The following PTCHD4 variants were observed in gnomAD, a reference collection of about 807,000 sequenced individuals.
PTCHD4 encodes patched domain-containing protein 4.
PTCHD4 carries 33 observed loss-of-function variants against 58.1 expected under a neutral mutation model. That is an observed-to-expected ratio of 0.57 (90% CI 0.43 to 0.76). The LOEUF (loss-of-function observed/expected upper bound fraction) is 0.76. Ranked by LOEUF, PTCHD4 falls within the 30% of genes least tolerant of loss-of-function variation. The pLI is 0.00. For missense variants in PTCHD4, 1,058 were observed against 1,027.1 expected, an observed-to-expected ratio of 1.03 and a Z score of -0.41; for synonymous variants, 478 against 409.6, an observed-to-expected ratio of 1.17 and a Z score of -2.02.
chr6:48,053,578 G>C (rs1265734519), intron 3 of PTCHD4, among the ~76,000 whole-genome samples: 1 of 151,940 alleles, frequency 6.6e-6, no homozygotes, highest in Non-Finnish European at 1.5e-5. Context: ...TATTACTTTT[G>C]ACCCTATCAT....
At chr6:48,049,589 A>AT (rs1284957492) in intron 3 of PTCHD4, among the ~76,000 whole-genome samples, 2 of 152,036 alleles carry the variant, frequency 1.3e-5, no homozygotes, top group East Asian at 3.9e-4. Context: ...AATGAGCTCA[A>AT]ATCTCACTTC....
At chr6:48,084,747 T>G (rs1464511391) in intron 1 of PTCHD4, among the ~76,000 whole-genome samples, 1 of 150,612 alleles carries the variant, frequency 6.6e-6, no homozygotes, top group African/African-American at 2.4e-5. Context: ...TTTTTTTTTT[T>G]TTTTGAGACA....
intron 4 of PTCHD4, among the ~76,000 whole-genome samples, chr6:48,004,921 GA>G (rs544524658): frequency 0.062 from 9,232 of 149,188 alleles, 392 homozygotes; most frequent in African/African-American, 0.11. Context: ...CATCTCAAAA[GA>G]AAAAAAAAAT....
chr6:47,872,492 A>T lies in PTCHD4; in HGVS notation c.*5811T>A, dbSNP rs1440701205. On this transcript the variant is annotated 3_prime_UTR_variant, in exon 5 of 5. Transcript: ENST00000339488. ...ATGGCTTCTAAAAACCTCAGCTCAGATAAGTGCAATGAAATCATACACAGC... is the reference window on the plus strand; with the variant it reads ...ATGGCTTCTAAAAACCTCAGCTCAGTTAAGTGCAATGAAATCATACACAGC... Among the ~76,000 whole-genome samples, 4 of 151,638 alleles carry T rather than the reference A, an allele frequency of 2.6e-5. No homozygotes were observed. Among genetic ancestry groups the T allele is most frequent in the African/African-American group, 9.7e-5 (4 of 41,364 alleles).
At chr6:47,929,176 G>A (rs1765727163) in intron 4 of PTCHD4, among the ~76,000 whole-genome samples, 1 of 151,466 alleles carries the variant, frequency 6.6e-6, no homozygotes, top group South Asian at 2.1e-4. Flanking sequence ...AGTATAAAAT[G>A]AAAAAAAATT....
intron 3 of PTCHD4, among the ~76,000 whole-genome samples, chr6:48,046,470 T>C (rs1417433773): frequency 1.3e-5 from 2 of 151,872 alleles, no homozygotes; most frequent in East Asian, 3.9e-4. Flanking sequence ...AATGAATATA[T>C]ATTCAATTAA....
chr6:48,023,090 G>C (rs748067292), intron 3 of PTCHD4, among the ~76,000 whole-genome samples: 5 of 152,072 alleles, frequency 3.3e-5, no homozygotes, highest in Non-Finnish European at 7.4e-5. Flanking sequence ...AAATATGTTT[G>C]GACTAGCTTT....
At chr6:48,040,975 A>G (rs1763826348) in intron 3 of PTCHD4, among the ~76,000 whole-genome samples, 2 of 152,252 alleles carry the variant, frequency 1.3e-5, no homozygotes, top group Middle Eastern at 3.4e-3. Flanking sequence ...TGCATCGTTA[A>G]TATATACATT....
intron 3 of PTCHD4, among the ~76,000 whole-genome samples, chr6:48,029,101 C>A (rs1763348858): frequency 6.6e-6 from 1 of 152,044 alleles, no homozygotes; most frequent in South Asian, 2.1e-4. Context: ...ATAATACTAT[C>A]AATCATAATT....
At chr6:47,928,645 G>T (rs1357692773) in intron 4 of PTCHD4, among the ~76,000 whole-genome samples, 1 of 152,112 alleles carries the variant, frequency 6.6e-6, no homozygotes, top group Non-Finnish European at 1.5e-5. Flanking sequence ...ACTATGCTTT[G>T]TATATAGCTA....
intron 4 of PTCHD4, among the ~76,000 whole-genome samples, chr6:47,977,813 T>C (rs2114002958): frequency 6.6e-6 from 1 of 152,314 alleles, no homozygotes; most frequent in East Asian, 1.9e-4. Context: ...CACACTCTAT[T>C]TATACAATCA....
At position 47,879,405 on chromosome 6, in the gene PTCHD4, A is replaced by G. The variant is rs1468117766; in HGVS notation, c.1430T>C (p.Met477Thr). 1.2e-6 allele frequency: 2 copies of G among 1,613,714 alleles called. No individual in the cohort carries two copies. Among genetic ancestry groups the G allele is most frequent in the East Asian group, 2.2e-5 (1 of 44,858 alleles). The part of the protein sequence containing the change: ...LYLIYASFSF[M>T]GCLQISDGAN... ...TCCGTCACTGATCTGTAAGCACCCC[A>G]TGAAGGAGAAGGAGGCATAAATGAG... Residue 477 changes from methionine to threonine, a missense_variant, in exon 5 of 5, where the codon ATG becomes ACG. By Grantham distance (81) the Met-to-Thr change is moderately conservative. Transcript: ENST00000339488.
At chr6:48,040,433 T>C (rs191806193) in intron 3 of PTCHD4, among the ~76,000 whole-genome samples, 8 of 150,516 alleles carry the variant, frequency 5.3e-5, no homozygotes, top group Non-Finnish European at 1.0e-4. Flanking sequence ...AAACACCTAC[T>C]ATAAGTCAGT....
At chr6:47,976,428 G>T (rs1226402124) in intron 4 of PTCHD4, among the ~76,000 whole-genome samples, 1 of 152,118 alleles carries the variant, frequency 6.6e-6, no homozygotes, top group African/African-American at 2.4e-5. Context: ...GGCAAAGCAG[G>T]TGGATGATGA....
chr6:48,068,714 T>TC lies in PTCHD4; in HGVS notation c.6-74dup. ...CCCCCATCCCACCCCCTGGGGCCAG[T>TC]CCCCCCTCCCCACCGCCGCCGCCTC... On this transcript the variant is annotated intron_variant, in intron 2 of 4. Transcript: ENST00000339488. The surrounding 1 kb of genome is among the most constrained non-coding windows in gnomAD (Gnocchi z 4.2). 2 of 1,342,820 alleles carry TC rather than the reference T, an allele frequency of 1.5e-6. No homozygotes were observed. Among genetic ancestry groups the TC allele is most frequent in the Non-Finnish European group, 1.9e-6 (2 of 1,032,860 alleles). 83.2% of individuals were successfully genotyped at this position (1,342,820 alleles called of 1,614,324 possible). A position where few individuals can be genotyped will look rare whatever the true frequency, so the allele number is the denominator to read the frequency against.
At position 47,862,717 on chromosome 6, in the gene PTCHD4, A is replaced by G. The variant is rs1431544803; in HGVS notation, c.*15586T>C. Among the ~76,000 whole-genome samples the G allele has an allele frequency of 6.6e-6, 1 of 151,880 alleles. No individual in the cohort carries two copies. Among genetic ancestry groups the G allele is most frequent in the Admixed American group, 6.6e-5 (1 of 15,228 alleles). On this transcript the variant is annotated 3_prime_UTR_variant, in exon 5 of 5. Coordinates refer to ENST00000339488, the MANE Select transcript of PTCHD4 (RefSeq NM_001384253.1). ...TAGGTTATAAATTACTCAAATAGCT[A>G]GAAATCAGCAATATTGTTTAGAAAA...
chr6:48,039,432 G>A (rs1763763871), intron 3 of PTCHD4, among the ~76,000 whole-genome samples: 1 of 152,084 alleles, frequency 6.6e-6, no homozygotes, highest in Admixed American at 6.6e-5. Context: ...TACTTCCTTG[G>A]TTATTAACAC....
chr6:47,937,585 G>A (rs1454134124), intron 4 of PTCHD4, among the ~76,000 whole-genome samples: 1 of 152,144 alleles, frequency 6.6e-6, no homozygotes, highest in Non-Finnish European at 1.5e-5. Context: ...ATGGCTATTA[G>A]GTCTATGAGC....
chr6:47,870,365 A>ACTT lies in PTCHD4; in HGVS notation c.*7937_*7938insAAG, dbSNP rs1763682943. ...AAAACATGAAAATAATGATGAACCG[A>ACTT]ACAAGGAAATATTTGGAACATAATT... On this transcript the variant is annotated 3_prime_UTR_variant, in exon 5 of 5. Coordinates refer to ENST00000339488, the MANE Select transcript of PTCHD4 (RefSeq NM_001384253.1). Among the ~76,000 whole-genome samples the ACTT allele has an allele frequency of 5.3e-5, 8 of 151,822 alleles. No individual in the cohort carries two copies. In the South Asian group the frequency reaches 1.7e-3, roughly 31 times the overall value.
Sources: allele counts gnomAD v4.1 joint callset (sites outside exome capture counted in the v4.1 genomes callset), GRCh38; gene constraint gnomAD v4.1.1; non-coding constraint Gnocchi (gnomAD v3.1); transcripts MANE v1.5; gene names NCBI Gene and HGNC (gene_info 2026-07-23, HGNC 2026-07-21).